The following FRMD4A variants were observed in gnomAD, a reference collection of about 807,000 sequenced individuals.
The protein encoded by FRMD4A is FERM domain containing 4A.
FRMD4A carries 29 observed loss-of-function variants against 129.1 expected under a neutral mutation model. That is an observed-to-expected ratio of 0.22 (90% CI 0.17 to 0.31). FRMD4A has a LOEUF of 0.31. Among genes scored for constraint, FRMD4A ranks in the 10% least tolerant of loss-of-function variants. The pLI, the probability that FRMD4A is intolerant of heterozygous loss-of-function variation, is 1.00. For synonymous variants in FRMD4A, 634 were observed against 571.6 expected, an observed-to-expected ratio of 1.11 and a Z score of -1.56; for missense variants, 1,272 against 1,375.8, an observed-to-expected ratio of 0.92 and a Z score of 1.19.
intron 3 of FRMD4A, among the ~76,000 whole-genome samples, chr10:13,848,568 C>G (rs189471633): frequency 1.5e-3 from 221 of 151,918 alleles, no homozygotes; most frequent in African/African-American, 5.1e-3. Context: ...GGTCTCTTCT[C>G]CTCTCCTCAA....
intron 3 of FRMD4A, among the ~76,000 whole-genome samples, chr10:13,836,581 C>T (rs1229369838): frequency 1.3e-5 from 2 of 152,062 alleles, no homozygotes; most frequent in East Asian, 3.9e-4. Context: ...TTGACAGAGC[C>T]AGTTATAGCA....
At chr10:13,870,276 ACTGT>A (rs1366890610) in intron 2 of FRMD4A, among the ~76,000 whole-genome samples, 1 of 152,226 alleles carries the variant, frequency 6.6e-6, no homozygotes, top group African/African-American at 2.4e-5. Context: ...GTGAAAGACG[ACTGT>A]CTGAACATGG....
At chr10:13,706,792 C>T (rs2087496269) in intron 13 of FRMD4A, among the ~76,000 whole-genome samples, 1 of 136,312 alleles carries the variant, frequency 7.3e-6, no homozygotes, top group Non-Finnish European at 1.6e-5. Context: ...GCCAGGGACA[C>T]ATGTGGCCAG....
chr10:13,790,924 T>C (rs995352369), intron 5 of FRMD4A, among the ~76,000 whole-genome samples: 1 of 150,924 alleles, frequency 6.6e-6, no homozygotes, highest in Non-Finnish European at 1.5e-5. Flanking sequence ...GAGGAGAAGA[T>C]AGAGAAAAAG....
chr10:13,870,572 C>T (rs559493834), intron 2 of FRMD4A, among the ~76,000 whole-genome samples: 1 of 152,330 alleles, frequency 6.6e-6, no homozygotes, highest in Non-Finnish European at 1.5e-5. Context: ...GAGCCGTGGT[C>T]CTGTTTCTTG....
chr10:14,187,439 C>T (rs1842183212), intron 2 of FRMD4A, among the ~76,000 whole-genome samples: 1 of 152,158 alleles, frequency 6.6e-6, no homozygotes, highest in South Asian at 2.1e-4. Context: ...CTATATATGT[C>T]CTTTGTAAAT....
intron 2 of FRMD4A, among the ~76,000 whole-genome samples, chr10:14,003,163 C>T (rs1454781265): frequency 2.0e-5 from 3 of 152,056 alleles, no homozygotes; most frequent in Non-Finnish European, 4.4e-5. Flanking sequence ...AACACGCAGG[C>T]AAGAGATGGT....
In FRMD4A at chr10:13,740,569, C is replaced by T. The variant is rs779506276; in HGVS notation, c.557G>A (p.Arg186Lys). 1.3e-6 allele frequency: 2 copies of T among 1,548,690 alleles called. No individual in the cohort carries two copies. Among genetic ancestry groups the T allele is most frequent in the Non-Finnish European group, 1.8e-6 (2 of 1,127,306 alleles). The change falls in exon 10 of 25, where the codon AGA becomes AAA. Residue 186 changes from arginine (R) to lysine (K), a missense_variant. Around this residue, in one of 2 missense-constraint regions of FRMD4A, gnomAD observed 300 missense variants for 483.6 expected, o/e 0.62. Coordinates refer to ENST00000357447, the MANE Select transcript of FRMD4A (RefSeq NM_018027.5). ...CAGTTTCTTGTAGTGCTCAATGACTCTGTCTTCACTGTAATTAGAAGAAAA... is the reference window on the plus strand; with the variant it reads ...CAGTTTCTTGTAGTGCTCAATGACTTTGTCTTCACTGTAATTAGAAGAAAA... ...EHPSLAYCED[R>K]VIEHYKKLNG...
intron 3 of FRMD4A, among the ~76,000 whole-genome samples, chr10:13,818,292 A>AG (rs1176935938): frequency 1.3e-5 from 2 of 151,912 alleles, no homozygotes; most frequent in South Asian, 2.1e-4. Context: ...TCTCCTGAGT[A>AG]GGGGGGGACT....
chr10:14,023,734 C>T (rs1415833165), intron 2 of FRMD4A, among the ~76,000 whole-genome samples: 2 of 152,306 alleles, frequency 1.3e-5, no homozygotes, highest in East Asian at 1.9e-4. Context: ...TTTTCAAAGC[C>T]TGCATCGCTA....
At chr10:13,941,791 A>G (rs1195348613) in intron 2 of FRMD4A, among the ~76,000 whole-genome samples, 7 of 152,360 alleles carry the variant, frequency 4.6e-5, no homozygotes, top group African/African-American at 1.7e-4. Flanking sequence ...ACATCACTTT[A>G]CATGGATCTC....
intron 2 of FRMD4A, among the ~76,000 whole-genome samples, chr10:13,994,207 G>C (rs1413997253): frequency 3.4e-5 from 4 of 117,988 alleles, no homozygotes; most frequent in African/African-American, 1.3e-4. Flanking sequence ...TTTTGAGACA[G>C]TCTCATTCTG....
intron 9 of FRMD4A, among the ~76,000 whole-genome samples, 171 bp from the exon 10 acceptor site, chr10:13,740,748 T>TCTATTTG (rs2090941817): frequency 6.6e-6 from 1 of 152,034 alleles, no homozygotes; most frequent in Non-Finnish European, 1.5e-5. Context: ...CTGAGTGCTA[T>TCTATTTG]CTATTTGGAT....
intron 2 of FRMD4A, among the ~76,000 whole-genome samples, chr10:13,865,793 A>G (rs1261904019): frequency 6.6e-6 from 1 of 152,154 alleles, no homozygotes; most frequent in Admixed American, 6.6e-5. Flanking sequence ...AACCCAGAAA[A>G]AAACATGTGT....
At chr10:14,082,364 C>A (rs771302731) in intron 2 of FRMD4A, among the ~76,000 whole-genome samples, 3 of 152,112 alleles carry the variant, frequency 2.0e-5, no homozygotes, top group Admixed American at 1.3e-4. Context: ...AGAACTACTA[C>A]CAAACTAGAT....
At position 14,072,180 on chromosome 10, in the gene FRMD4A, C is replaced by G. The variant is rs1835348590; in HGVS notation, c.46-213268G>C. ...CTTCTGGATATCTAGTTGAGATCAG[C>G]TGAACAACGAGAGTTTTATGGCTAA... On this transcript the variant is annotated intron_variant, in intron 2 of 24. Transcript: ENST00000357447. Among the ~76,000 whole-genome samples the G allele has an allele frequency of 2.0e-5, 3 of 152,200 alleles. No individual in the cohort carries two copies. In the South Asian group the frequency reaches 6.2e-4, roughly 32 times the overall value.
intron 2 of FRMD4A, among the ~76,000 whole-genome samples, chr10:14,319,783 C>T (rs534382859): frequency 8.5e-5 from 13 of 152,292 alleles, no homozygotes; most frequent in African/African-American, 3.1e-4. Context: ...CTAACCCAGC[C>T]TTTACCTCCA....
At chr10:14,314,173 G>A (rs1260495378) in intron 2 of FRMD4A, among the ~76,000 whole-genome samples, 2 of 152,156 alleles carry the variant, frequency 1.3e-5, no homozygotes, top group Non-Finnish European at 2.9e-5. Context: ...ACACTAAAGA[G>A]CAGACACTGG....
At chr10:13,803,905 T>C (rs2093309618) in intron 4 of FRMD4A, among the ~76,000 whole-genome samples, 1 of 152,192 alleles carries the variant, frequency 6.6e-6, no homozygotes, top group African/African-American at 2.4e-5. Flanking sequence ...TTCACTCCGC[T>C]CACCTGTGCC....
Sources: allele counts gnomAD v4.1 joint callset (sites outside exome capture counted in the v4.1 genomes callset), GRCh38; gene constraint gnomAD v4.1.1; regional missense constraint gnomAD v4.1.1; transcripts MANE v1.5; gene names NCBI Gene and HGNC (gene_info 2026-07-23, HGNC 2026-07-21).